Variants in ROCK1 observed in about 807,000 individuals in gnomAD.
ROCK1 encodes Rho associated coiled-coil containing protein kinase 1.
ROCK1 carries 36 observed loss-of-function variants against 196.8 expected under a neutral mutation model. The ratio of observed to expected loss-of-function variants is 0.18; its 90% CI spans 0.14 to 0.24. ROCK1 has a LOEUF of 0.24. Ranked by LOEUF, ROCK1 falls within the 10% of genes least tolerant of loss-of-function variation. The probability of loss-of-function intolerance (pLI) is 1.00; values close to 1 mark genes in which losing one functional copy is unlikely to be tolerated. For missense variants in ROCK1, 920 were observed against 1,562.0 expected, an observed-to-expected ratio of 0.59 and a Z score of 6.93; for synonymous variants, 443 against 515.9, an observed-to-expected ratio of 0.86 and a Z score of 1.91.
chr18:21,042,639 T>G lies in ROCK1; in HGVS notation c.746A>C (p.Gln249Pro). ...TCTTCCATAATAACCATCACCACCTTGGGATTTTAATACTTCAGGGGAAAT... is the reference window on the plus strand; with the variant it reads ...TCTTCCATAATAACCATCACCACCTGGGGATTTTAATACTTCAGGGGAAAT... ...DYISPEVLKSQGGDGYYGREC... is the reference protein window; with the variant it reads ...DYISPEVLKSPGGDGYYGREC... The change falls in exon 7 of 33, where the codon CAA (glutamine) becomes CCA (proline). Residue 249 changes from glutamine (Q) to proline (P), a missense_variant. By Grantham distance (76) the Gln-to-Pro change is moderately conservative. Coordinates refer to ENST00000399799, the MANE Select transcript of ROCK1 (RefSeq NM_005406.3). The G allele has an allele frequency of 6.2e-7, 1 of 1,613,926 alleles. No homozygotes were observed. The highest frequency in any genetic ancestry group is 8.5e-7 in the Non-Finnish European group (1 of 1,179,864).
chr18:21,060,567 CGGT>C (rs1204274662), intron 2 of ROCK1, among the ~76,000 whole-genome samples: 2 of 152,144 alleles, frequency 1.3e-5, no homozygotes, highest in South Asian at 2.1e-4. Flanking sequence ...ATGGCCGGCA[CGGT>C]GGCTCACGCC....
chr18:21,097,472 C>T (rs1232351574), intron 1 of ROCK1, among the ~76,000 whole-genome samples: 1 of 152,168 alleles, frequency 6.6e-6, no homozygotes, highest in Non-Finnish European at 1.5e-5. Context: ...ATGGCACCAC[C>T]TATAAATTAT....
intron 2 of ROCK1, among the ~76,000 whole-genome samples, chr18:21,050,478 A>G (rs1299610515): frequency 3.3e-5 from 5 of 152,180 alleles, no homozygotes; most frequent in Admixed American, 6.5e-5. Flanking sequence ...TAAACTTGTC[A>G]TACTACAAAC....
intron 1 of ROCK1, among the ~76,000 whole-genome samples, chr18:21,085,429 G>A (rs188954422): frequency 4.0e-5 from 6 of 150,258 alleles, no homozygotes; most frequent in East Asian, 3.9e-4. Flanking sequence ...AGAATGCTTC[G>A]TTAGAGGAGA....
Position 21,050,676 on chromosome 18 carries a change from T to C in ROCK1, c.176-796A>G, listed in dbSNP as rs187119587. On this transcript the variant is annotated intron_variant, in intron 2 of 32. Coordinates refer to ENST00000399799, the MANE Select transcript of ROCK1 (RefSeq NM_005406.3). ...TTCAGTTCCAGTTCCTAATAAGAGCTGTATTAATATTCTTGTTTTCCTTTT... is the reference window on the plus strand; with the variant it reads ...TTCAGTTCCAGTTCCTAATAAGAGCCGTATTAATATTCTTGTTTTCCTTTT... Among the ~76,000 whole-genome samples, 40 of 152,326 alleles carry C rather than the reference T, an allele frequency of 2.6e-4. No individual in the cohort carries two copies. The East Asian group carries it at 7.7e-3, about 29-fold the overall frequency.
At chr18:21,094,943 G>A (rs187342753) in intron 1 of ROCK1, among the ~76,000 whole-genome samples, 4 of 150,962 alleles carry the variant, frequency 2.6e-5, no homozygotes, top group South Asian at 4.2e-4. Context: ...CCAGCTACTC[G>A]GGAAGCTGAA....
intron 26 of ROCK1, 131 bp downstream of exon 26, chr18:20,967,621 T>C: frequency 3.0e-6 from 2 of 655,994 alleles, no homozygotes; most frequent in East Asian, 5.8e-5. Flanking sequence ...CCAATTTCAG[T>C]CTGAAACCAA....
At chr18:21,089,306 C>A (rs527982465) in intron 1 of ROCK1, among the ~76,000 whole-genome samples, 4 of 152,188 alleles carry the variant, frequency 2.6e-5, no homozygotes, top group African/African-American at 9.7e-5. Context: ...GCAATCCACC[C>A]GCCTTGGCCT....
intron 2 of ROCK1, among the ~76,000 whole-genome samples, chr18:21,060,237 CTT>C (rs1224993449): frequency 2.0e-5 from 3 of 152,164 alleles, no homozygotes; most frequent in South Asian, 2.1e-4. Context: ...AAAAATCAAT[CTT>C]GAGTTTGGCA....
chr18:21,051,755 A>G (rs2036205647), intron 2 of ROCK1, among the ~76,000 whole-genome samples: 2 of 152,228 alleles, frequency 1.3e-5, no homozygotes, highest in African/African-American at 4.8e-5. Context: ...GGTGTCAGAG[A>G]AGAGACAGAG....
intron 1 of ROCK1, among the ~76,000 whole-genome samples, chr18:21,098,329 T>C (rs1473841742): frequency 6.6e-6 from 1 of 152,064 alleles, no homozygotes; most frequent in Non-Finnish European, 1.5e-5. Flanking sequence ...CCAACAAACA[T>C]AGGCATTTTT....
intron 22 of ROCK1, among the ~76,000 whole-genome samples, chr18:20,974,038 G>C (rs2035455897): frequency 6.6e-6 from 1 of 152,132 alleles, no homozygotes; most frequent in African/African-American, 2.4e-5. Flanking sequence ...CCAAAGTGCT[G>C]GGATTACAGG....
chr18:20,969,886 G>C (rs2035410240), intron 23 of ROCK1: 1 of 152,930 alleles, frequency 6.5e-6, no homozygotes, highest in Non-Finnish European at 1.5e-5. Flanking sequence ...ATAGATTACA[G>C]TATAAACCTC....
intron 21 of ROCK1, among the ~76,000 whole-genome samples, chr18:20,980,698 C>G (rs1191519717): frequency 8.6e-5 from 13 of 150,570 alleles, no homozygotes; most frequent in Non-Finnish European, 1.9e-4. Flanking sequence ...GGGCAGATCA[C>G]AAGGTCAGGA....
chr18:21,052,037 T>C (rs1480569433), intron 2 of ROCK1, among the ~76,000 whole-genome samples: 2 of 152,158 alleles, frequency 1.3e-5, no homozygotes, highest in Non-Finnish European at 2.9e-5. Flanking sequence ...GATAATATAA[T>C]AGCCTGTTAC....
chr18:21,006,616 A>G lies in ROCK1; in HGVS notation c.1639-19T>C, dbSNP rs2035771162. On this transcript the variant is annotated intron_variant, in intron 15 of 32. Transcript: ENST00000399799. ...CTTCTAGCTATTTAAAAAGAAAGCA[A>G]AAAAATAGGTTTCTGACCAAAGTAC... 1 of 1,603,260 alleles carries G rather than the reference A, an allele frequency of 6.2e-7. No individual in the cohort carries two copies. Among genetic ancestry groups the G allele is most frequent in the Non-Finnish European group, 8.5e-7 (1 of 1,176,924 alleles).
chr18:20,958,229 AAAAT>A (rs2035265628), intron 29 of ROCK1, among the ~76,000 whole-genome samples: 1 of 152,156 alleles, frequency 6.6e-6, no homozygotes, highest in African/African-American at 2.4e-5. Flanking sequence ...AAAAAAACAG[AAAAT>A]AAAGAAAGAG....
chr18:20,956,199 G>A (rs1467925767), intron 29 of ROCK1, among the ~76,000 whole-genome samples: 1 of 152,144 alleles, frequency 6.6e-6, no homozygotes, highest in Non-Finnish European at 1.5e-5. Context: ...GAGAGAGAAA[G>A]AGAGGGAAGG....
At position 21,039,472 on chromosome 18, in the gene ROCK1, T is replaced by C. The variant is rs2143499076; in HGVS notation, c.1051A>G (p.Thr351Ala). Residue 351 changes from threonine (T) to alanine (A), a missense_variant and splice_region_variant, in exon 9 of 33, where the codon ACT (threonine) becomes GCT (alanine). By Grantham distance (58) the Thr-to-Ala change is moderately conservative (BLOSUM62 0). Transcript: ENST00000399799. ...ATATGAAAGAAAAAAAAAAACTTAC[T>C]GTCTCGGAGCGTTTCCCAAGCCCAC... ...DQWAWETLRD[T>A]VAPVVPDLSS... The C allele has an allele frequency of 6.3e-7, 1 of 1,597,224 alleles. No homozygotes were observed. The highest frequency in any genetic ancestry group is 8.5e-7 in the Non-Finnish European group (1 of 1,173,070).
Sources: allele counts gnomAD v4.1 joint callset (sites outside exome capture counted in the v4.1 genomes callset), GRCh38; gene constraint gnomAD v4.1.1; transcripts MANE v1.5; gene names NCBI Gene and HGNC (gene_info 2026-07-23, HGNC 2026-07-21).